Variants in PPP2R2B observed in about 807,000 individuals in gnomAD.
PPP2R2B encodes serine/threonine-protein phosphatase 2A 55 kDa regulatory subunit B beta isoform.
A neutral mutation model predicts 46.0 loss-of-function variants in PPP2R2B; 5 were observed. The ratio of observed to expected loss-of-function variants is 0.11; its 90% CI spans 0.06 to 0.23. PPP2R2B has a LOEUF of 0.23. Among genes scored for constraint, PPP2R2B ranks in the 10% least tolerant of loss-of-function variants. The pLI is 1.00. For missense variants in PPP2R2B, 367 were observed against 575.0 expected (o/e 0.64, Z 3.70); for synonymous variants, 215 against 206.7 (o/e 1.04, Z -0.34).
intron 2 of PPP2R2B, among the ~76,000 whole-genome samples, chr5:146,816,206 C>A (rs561428222): frequency 6.6e-6 from 1 of 152,212 alleles, no homozygotes; most frequent in East Asian, 1.9e-4. Flanking sequence ...GAGTTTGAGA[C>A]CAGCCTGGGC....
chr5:146,638,463 T>C (rs763108488), intron 6 of PPP2R2B, 48 bp from the exon 7 acceptor site: 2 of 1,519,580 alleles, frequency 1.3e-6, no homozygotes, highest in African/African-American at 2.7e-5. Flanking sequence ...AGGCAGGAAC[T>C]TGGGGAAGGG....
At chr5:146,865,999 G>C (rs1442407677) in intron 2 of PPP2R2B, among the ~76,000 whole-genome samples, 1 of 152,190 alleles carries the variant, frequency 6.6e-6, no homozygotes, top group Non-Finnish European at 1.5e-5. Context: ...TTCTAGAACA[G>C]GGGTCAGCAA....
intron 1 of PPP2R2B, among the ~76,000 whole-genome samples, chr5:146,948,219 C>T (rs1203537015): frequency 1.3e-4 from 20 of 152,040 alleles, no homozygotes; most frequent in Admixed American, 3.3e-4. Flanking sequence ...AACATTGTTA[C>T]GGGCATGAGC....
intron 2 of PPP2R2B, among the ~76,000 whole-genome samples, chr5:146,713,475 C>T (rs1274757474): frequency 6.6e-6 from 1 of 151,962 alleles, no homozygotes; most frequent in Middle Eastern, 3.2e-3. Flanking sequence ...CATTTTACAA[C>T]AAAAAAGTGA....
intron 2 of PPP2R2B, among the ~76,000 whole-genome samples, chr5:146,845,115 T>C (rs1759904336): frequency 6.6e-6 from 1 of 152,106 alleles, no homozygotes; most frequent in African/African-American, 2.4e-5. Flanking sequence ...CTCTTGGACA[T>C]GCTGTTTCTT....
intron 2 of PPP2R2B, among the ~76,000 whole-genome samples, chr5:146,783,805 C>T (rs1011913824): frequency 7.9e-5 from 12 of 152,194 alleles, no homozygotes; most frequent in Non-Finnish European, 1.5e-4. Flanking sequence ...ATATCAATTC[C>T]ATCCCAGAGC....
At chr5:146,854,594 T>C (rs1229923728) in intron 2 of PPP2R2B, among the ~76,000 whole-genome samples, 2 of 152,212 alleles carry the variant, frequency 1.3e-5, no homozygotes, top group Non-Finnish European at 2.9e-5. Flanking sequence ...CAGATTCTAA[T>C]AGATTCAATT....
At chr5:146,999,491 G>T (rs893462725) in intron 1 of PPP2R2B, among the ~76,000 whole-genome samples, 4 of 152,122 alleles carry the variant, frequency 2.6e-5, no homozygotes, top group Non-Finnish European at 4.4e-5. Flanking sequence ...TACTTAGTTG[G>T]GATGAGATCT....
intron 1 of PPP2R2B, among the ~76,000 whole-genome samples, chr5:146,972,463 G>C (rs754331713): frequency 1.3e-5 from 2 of 152,138 alleles, no homozygotes; most frequent in Admixed American, 6.5e-5. Flanking sequence ...TGTAATCTCA[G>C]CACTTTGGGA....
chr5:146,884,946 C>G (rs1293159633), intron 1 of PPP2R2B, among the ~76,000 whole-genome samples: 1 of 151,990 alleles, frequency 6.6e-6, no homozygotes, highest in African/African-American at 2.4e-5. Context: ...AGAAAATAAC[C>G]ATGGATGTGG....
chr5:146,945,944 C>T (rs1025480461), intron 1 of PPP2R2B, among the ~76,000 whole-genome samples: 1 of 152,064 alleles, frequency 6.6e-6, no homozygotes, highest in Non-Finnish European at 1.5e-5. Flanking sequence ...CAACTCTTAC[C>T]TTATAAAGAC....
chr5:147,056,139 G>A, upstream of PPP2R2B: 2 of 1,033,044 alleles, frequency 1.9e-6, no homozygotes, highest in African/African-American at 1.7e-5. Flanking sequence ...GCAGGATATG[G>A]GAGTAGTGAG....
intron 2 of PPP2R2B, chr5:146,707,417 C>T (rs942364594): frequency 1.0e-5 from 8 of 775,212 alleles, no homozygotes; most frequent in South Asian, 1.3e-5. Context: ...TTGACTGGGA[C>T]GGCAGTGATG....
At chr5:147,048,519 A>G (rs1211811396) in intron 1 of PPP2R2B, among the ~76,000 whole-genome samples, 2 of 152,208 alleles carry the variant, frequency 1.3e-5, no homozygotes, top group Non-Finnish European at 2.9e-5. Flanking sequence ...CAAAACATTT[A>G]ATGGACTATC....
intron 1 of PPP2R2B, among the ~76,000 whole-genome samples, chr5:146,931,740 T>C (rs1763976208): frequency 6.6e-6 from 1 of 152,208 alleles, no homozygotes. Flanking sequence ...GAGAAATATC[T>C]ATGTGTTCTA....
intron 5 of PPP2R2B, among the ~76,000 whole-genome samples, chr5:146,677,981 T>C (rs1777861683): frequency 6.6e-6 from 1 of 152,124 alleles, no homozygotes; most frequent in Non-Finnish European, 1.5e-5. Flanking sequence ...GAAGGAAACA[T>C]TTGTGAACAG....
intron 2 of PPP2R2B, among the ~76,000 whole-genome samples, chr5:146,834,864 G>C (rs1468556872): frequency 6.6e-6 from 1 of 152,142 alleles, no homozygotes; most frequent in Non-Finnish European, 1.5e-5. Context: ...TTATAAGTAA[G>C]AACATGCAGT....
chr5:146,850,141 G>T (rs1391158814), intron 2 of PPP2R2B, among the ~76,000 whole-genome samples: 6 of 152,148 alleles, frequency 3.9e-5, no homozygotes, highest in Non-Finnish European at 1.5e-5. Flanking sequence ...ATTTGAAGAG[G>T]TCTATATTAT....
chr5:146,892,793 A>G (rs528081278), intron 1 of PPP2R2B, among the ~76,000 whole-genome samples: 1 of 152,334 alleles, frequency 6.6e-6, no homozygotes, highest in East Asian at 1.9e-4. Flanking sequence ...CTTCTGAGAA[A>G]TCCTGCAATA....
Sources: allele counts gnomAD v4.1 joint callset (sites outside exome capture counted in the v4.1 genomes callset), GRCh38; gene constraint gnomAD v4.1.1; transcripts MANE v1.5; gene names NCBI Gene and HGNC (gene_info 2026-07-23, HGNC 2026-07-21).